The following VPS13B variants were observed in gnomAD, a reference collection of about 807,000 sequenced individuals.
VPS13B encodes vacuolar protein sorting 13 homolog B.
VPS13B carries 285 observed loss-of-function variants against 426.4 expected under a neutral mutation model. The observed-to-expected ratio is 0.67, with a 90% CI of 0.61 to 0.74. The LOEUF is 0.74. Among genes scored for constraint, VPS13B ranks in the 30% least tolerant of loss-of-function variants. The pLI, the probability that VPS13B is intolerant of heterozygous loss-of-function variation, is 0.00. For synonymous variants in VPS13B, 1,676 were observed against 1,676.4 expected, an observed-to-expected ratio of 1.00 and a Z score of 0.01; for missense variants, 4,537 against 4,782.6, an observed-to-expected ratio of 0.95 and a Z score of 1.51.
In VPS13B at chr8:99,464,519, G is replaced by A. The variant is rs562813426; in HGVS notation, c.3446-2895G>A. On this transcript the variant is annotated intron_variant, in intron 23 of 61. Transcript: ENST00000357162. ...TATAAATAGTCATTGTTCACTAACC[G>A]CAACATTGACAAAAACGTTTTTTAT... is the stretch of plus-strand genomic sequence containing the variant. Among the ~76,000 whole-genome samples the A allele has an allele frequency of 5.3e-5, 8 of 151,990 alleles. No individual in the cohort carries two copies. In the East Asian group the frequency reaches 7.7e-4, roughly 15 times the overall value.
rs779782582 is a variant in VPS13B at position 99,853,609 on chromosome 8, G to A, written c.10220G>A (p.Gly3407Glu). The change falls in exon 56 of 62, where the codon GGG (glycine) becomes GAG (glutamate). Residue 3407 changes from glycine to glutamate, a missense_variant. By Grantham distance (98) the Gly-to-Glu change is moderately conservative. Coordinates refer to ENST00000357162, the MANE Select transcript of VPS13B (RefSeq NM_152564.5). Reference sequence around the variant, plus strand: ...GCCCCGGGAGCTGGTCCCCTCCCTGGGGAAGAGCCTGTGGCTGCGTTGTTT... The same window carrying A: ...GCCCCGGGAGCTGGTCCCCTCCCTGAGGAAGAGCCTGTGGCTGCGTTGTTT... The part of the protein sequence containing the change: ...CVAPGAGPLP[G>E]EEPVAALFEL... The A allele has an allele frequency of 1.9e-6, 3 of 1,614,054 alleles. No homozygotes were observed. The highest frequency in any genetic ancestry group is 2.5e-6 in the Non-Finnish European group (3 of 1,180,030).
At chr8:99,393,935 A>T (rs907429692) in intron 21 of VPS13B, among the ~76,000 whole-genome samples, 5 of 152,150 alleles carry the variant, frequency 3.3e-5, no homozygotes, top group Non-Finnish European at 5.9e-5. Context: ...GAGTACATAC[A>T]TCTAAATGTA....
At chr8:99,502,370 A>G (rs1821294631) in intron 26 of VPS13B, among the ~76,000 whole-genome samples, 1 of 152,222 alleles carries the variant, frequency 6.6e-6, no homozygotes, top group Non-Finnish European at 1.5e-5. Context: ...ATTGTCATTT[A>G]TAATTAAATA....
At position 99,189,683 on chromosome 8, in the gene VPS13B, A is replaced by C. The variant is rs190311306; in HGVS notation, c.2334-3193A>C. Among the ~76,000 whole-genome samples, 4 of 152,156 alleles carry C rather than the reference A, an allele frequency of 2.6e-5. No individual in the cohort carries two copies. In the East Asian group the frequency reaches 7.7e-4, roughly 29 times the overall value. On this transcript the variant is annotated intron_variant, in intron 16 of 61. Coordinates refer to ENST00000357162, the MANE Select transcript of VPS13B (RefSeq NM_152564.5). Reference sequence around the variant, plus strand: ...TTCTAATATTGTTTTATAATTTTTCAAAATTGTTATTTTTGTATTTCTAGA... The same window carrying C: ...TTCTAATATTGTTTTATAATTTTTCCAAATTGTTATTTTTGTATTTCTAGA...
At chr8:99,339,974 C>T (rs1322793338) in intron 19 of VPS13B, among the ~76,000 whole-genome samples, 2 of 152,166 alleles carry the variant, frequency 1.3e-5, no homozygotes, top group African/African-American at 4.8e-5. Flanking sequence ...CTTACTAACT[C>T]CAACATCTAG....
chr8:99,037,856 A>G (rs1469008101), intron 2 of VPS13B, among the ~76,000 whole-genome samples: 1 of 142,128 alleles, frequency 7.0e-6, no homozygotes, highest in East Asian at 2.0e-4. Flanking sequence ...TTTTTTTTTA[A>G]GTTGATCAGT....
At chr8:99,565,221 T>C (rs1825124335) in intron 31 of VPS13B, among the ~76,000 whole-genome samples, 1 of 152,214 alleles carries the variant, frequency 6.6e-6, no homozygotes, top group Non-Finnish European at 1.5e-5. Context: ...TTGATCATAA[T>C]ACTTTTATTT....
chr8:99,519,174 G>C (rs1588457234), intron 29 of VPS13B, among the ~76,000 whole-genome samples: 1 of 152,094 alleles, frequency 6.6e-6, no homozygotes, highest in African/African-American at 2.4e-5. Context: ...TTTTTGATGG[G>C]GTTGTTTTTT....
chr8:99,696,494 G>C, intron 35 of VPS13B: 1 of 420,038 alleles, frequency 2.4e-6, no homozygotes, highest in South Asian at 2.0e-5. Context: ...GCTTGGTGCC[G>C]TTCCTTGTGT....
At chr8:99,653,753 T>C (rs1322283991) in intron 34 of VPS13B, among the ~76,000 whole-genome samples, 2 of 152,172 alleles carry the variant, frequency 1.3e-5, no homozygotes, top group African/African-American at 2.4e-5. Flanking sequence ...TGGACATTGA[T>C]GGTCAAACAT....
intron 47 of VPS13B, among the ~76,000 whole-genome samples, chr8:99,819,135 G>A (rs556275421): frequency 6.6e-6 from 1 of 151,946 alleles, no homozygotes; most frequent in Non-Finnish European, 1.5e-5. Context: ...TAACCAGCAG[G>A]GATCATCAGA....
intron 3 of VPS13B, among the ~76,000 whole-genome samples, chr8:99,081,691 T>A (rs1183947630): frequency 6.7e-6 from 1 of 149,556 alleles, no homozygotes; most frequent in Non-Finnish European, 1.5e-5. Context: ...AATTCCCACC[T>A]ATGAGTGAGA....
chr8:99,577,361 T>C, intron 32 of VPS13B, 129 bp from the exon 33 acceptor site: 4 of 1,279,992 alleles, frequency 3.1e-6, no homozygotes, highest in Non-Finnish European at 4.4e-6. Flanking sequence ...TTTGCTCTTC[T>C]CCTTAATGTA....
At chr8:99,853,064 T>A (rs1412947031) in intron 55 of VPS13B, among the ~76,000 whole-genome samples, 1 of 152,176 alleles carries the variant, frequency 6.6e-6, no homozygotes, top group African/African-American at 2.4e-5. Flanking sequence ...GAATTCCTGC[T>A]AAGTTTTCTT....
intron 8 of VPS13B, among the ~76,000 whole-genome samples, chr8:99,122,779 C>CAT (rs1047951795): frequency 2.0e-5 from 3 of 151,946 alleles, no homozygotes; most frequent in Non-Finnish European, 4.4e-5. Flanking sequence ...AAACAAATAA[C>CAT]ATATATATTG....
At chr8:99,410,353 C>A (rs1224505492) in intron 21 of VPS13B, among the ~76,000 whole-genome samples, 1 of 152,090 alleles carries the variant, frequency 6.6e-6, no homozygotes, top group African/African-American at 2.4e-5. Flanking sequence ...ATACTTCACT[C>A]ACACTAAACT....
At chr8:99,135,560 T>C in intron 10 of VPS13B, 36 bp from the exon 11 acceptor site, 16 of 1,606,378 alleles carry the variant, frequency 1.0e-5, no homozygotes, top group Non-Finnish European at 1.3e-5. Context: ...GCTAATGGTT[T>C]TTCTTCCCAT....
At chr8:99,269,044 C>T (rs530966444) in intron 17 of VPS13B, among the ~76,000 whole-genome samples, 32 of 152,238 alleles carry the variant, frequency 2.1e-4, no homozygotes, top group African/African-American at 7.2e-4. Context: ...TGAAGAAGGA[C>T]GTGTTTGCTT....
At chr8:99,031,872 A>C (rs1051347778) in intron 2 of VPS13B, among the ~76,000 whole-genome samples, 2 of 152,234 alleles carry the variant, frequency 1.3e-5, no homozygotes, top group African/African-American at 2.4e-5. Flanking sequence ...GGCAGAATGC[A>C]CTCCAGCAGT....
Sources: gnomAD v4.1 joint callset for allele counts (sites outside exome capture counted in the v4.1 genomes callset) on GRCh38, gnomAD v4.1.1 for gene constraint, MANE v1.5 for transcripts, NCBI Gene and HGNC (gene_info 2026-07-23, HGNC 2026-07-21) for gene names.